The following HDAC10 variants were observed in gnomAD, a reference collection of about 807,000 sequenced individuals.
The protein encoded by HDAC10 is histone deacetylase 10, also known as polyamine deacetylase HDAC10.
In HDAC10, 90 loss-of-function variants were observed where a neutral mutation model predicts 82.3. That is an observed-to-expected ratio of 1.09 (90% CI 0.92 to 1.30). The LOEUF (loss-of-function observed/expected upper bound fraction) is 1.30, where lower values mean the gene tolerates loss of function less well. Ranked by LOEUF, HDAC10 falls within the 50% of genes most tolerant of loss-of-function variation. HDAC10 has a pLI of 0.00. For missense variants in HDAC10, 934 were observed against 876.3 expected (o/e 1.07, Z -0.83); for synonymous variants, 456 against 391.7 (o/e 1.16, Z -1.94).
At position 50,250,053 on chromosome 22, in the gene HDAC10, C is replaced by T. The variant is rs1185392556; in HGVS notation, c.389+10G>A. ...ACGGAGGAGCAGCCAGGGGAAGGGG[C>T]AGCTCTCACCTCACCAGGGCAAGCC... On this transcript the variant is annotated intron_variant, in intron 4 of 19. Transcript: ENST00000216271. The T allele has an allele frequency of 6.2e-7, 1 of 1,612,102 alleles. No individual in the cohort carries two copies. The highest frequency in any genetic ancestry group is 1.1e-5 in the South Asian group (1 of 91,072).
chr22:50,249,987 G>A lies in HDAC10; in HGVS notation c.390-23C>T, dbSNP rs1430033222. On this transcript the variant is annotated intron_variant, in intron 4 of 19. Transcript: ENST00000216271. This position sits in a 1 kb window ranked among gnomAD's most constrained non-coding sequence, Gnocchi z 4.4. ...GGCCTACGGCGTGAGAGTAGGATTT[G>A]GGTCACGTCAGGGTCGCCCTGGCCC... The A allele has an allele frequency of 1.9e-6, 3 of 1,610,340 alleles. No individual in the cohort carries two copies. Among genetic ancestry groups the A allele is most frequent in the Non-Finnish European group, 2.5e-6 (3 of 1,177,818 alleles).
intron 2 of HDAC10, 108 bp from the exon 3 acceptor site, chr22:50,250,631 C>G (rs560775243): frequency 2.7e-4 from 357 of 1,331,202 alleles, no homozygotes; most frequent in Non-Finnish European, 3.6e-4. Context: ...GTCACTTCCT[C>G]AAGCCTGTGA....
Position 50,248,315 on chromosome 22 carries a change from G to A in HDAC10, c.1014-23C>T, listed in dbSNP as rs568253917. Reference sequence around the variant, plus strand: ...GCACTGTGAGGGAGACACAACAGTCGTGACACCTGGTCTCACACCCCGGCC... The same window carrying A: ...GCACTGTGAGGGAGACACAACAGTCATGACACCTGGTCTCACACCCCGGCC... On this transcript the variant is annotated intron_variant, in intron 11 of 19. Transcript: ENST00000216271. The surrounding 1 kb of genome is among the most constrained non-coding windows in gnomAD (Gnocchi z 5.4). 9.5e-5 allele frequency: 153 copies of A among 1,612,050 alleles called. 3 individuals carry two copies. The South Asian group carries it at 1.5e-3, about 16-fold the overall frequency.
intron 13 of HDAC10, 44 bp from the exon 14 acceptor site, chr22:50,247,820 G>A (rs369954254): frequency 9.6e-5 from 154 of 1,611,918 alleles, no homozygotes; most frequent in African/African-American, 1.9e-4. Flanking sequence ...CGGAGTGACC[G>A]CAGGTCAGGC....
chr22:50,245,275 T>C lies in HDAC10; in HGVS notation c.*232A>G, dbSNP rs1239250062. 3.4e-5 allele frequency: 20 copies of C among 580,664 alleles called. No individual in the cohort carries two copies. The highest frequency in any genetic ancestry group is 6.2e-5 in the African/African-American group (3 of 48,598). 36.0% of individuals were successfully genotyped at this position (580,664 alleles called of 1,614,324 possible). On this transcript the variant is annotated 3_prime_UTR_variant, in exon 20 of 20. Transcript: ENST00000216271. ...GGAACGGGACCGAGCGTGGGTTGCA[T>C]GGGCCTCGATGGGACGGGCCGGGGC...
intron 3 of HDAC10, 28 bp downstream of exon 3, chr22:50,250,399 A>G: frequency 5.6e-6 from 9 of 1,602,546 alleles, no homozygotes; most frequent in Non-Finnish European, 7.7e-6. Context: ...GTGTGTCTGC[A>G]CAGGTGAGTG....
Position 50,249,834 on chromosome 22 carries a change from C to G in HDAC10, c.494+26G>C, listed in dbSNP as rs1306259216. On this transcript the variant is annotated intron_variant, in intron 5 of 19. Coordinates refer to ENST00000216271, the MANE Select transcript of HDAC10 (RefSeq NM_032019.6). The surrounding 1 kb of genome is among the most constrained non-coding windows in gnomAD (Gnocchi z 4.4). ...CCCTTGCTGTGTGGCCTGGGCCCAC[C>G]CCCCTGCAGCCAGCCTGGCACACAC... 6.2e-7 allele frequency: 1 copy of G among 1,607,046 alleles called. No homozygotes were observed.
At position 50,248,910 on chromosome 22, in the gene HDAC10, G is replaced by T; in HGVS notation, c.757-20C>A. ...GTCAAACTACAGGCCAGGCCGGAGT[G>T]GGGAGGGTCGACAGAGAGGGGCTGG... On this transcript the variant is annotated intron_variant, in intron 8 of 19. Transcript: ENST00000216271. The surrounding 1 kb of genome is among the most constrained non-coding windows in gnomAD (Gnocchi z 5.4). 6.2e-7 allele frequency: 1 copy of T among 1,607,292 alleles called. No individual in the cohort carries two copies. Among genetic ancestry groups the T allele is most frequent in the Non-Finnish European group, 8.5e-7 (1 of 1,177,458 alleles).
chr22:50,246,539 C>G lies in HDAC10; in HGVS notation c.1571+140G>C, dbSNP rs76980022. 9,811 of 1,070,144 alleles carry G rather than the reference C, an allele frequency of 9.2e-3. 62 individuals carry two copies. Among genetic ancestry groups the G allele is most frequent in the Non-Finnish European group, 0.012 (8,434 of 714,060 alleles). 66.3% of individuals were successfully genotyped at this position (1,070,144 alleles called of 1,614,324 possible). A position where few individuals can be genotyped will look rare whatever the true frequency, so the allele number is the denominator to read the frequency against. ...CCTGGCATTGCCTCCAGCAGCCCTT[C>G]TCCCACACCCCAGCTGAGGAAGGCT... is the stretch of plus-strand genomic sequence containing the variant. On this transcript the variant is annotated intron_variant, in intron 16 of 19. Coordinates refer to ENST00000216271, the MANE Select transcript of HDAC10 (RefSeq NM_032019.6).
rs774045147 is a variant in HDAC10, at chr22:50,250,168, C to T, written c.292-8G>A. The T allele has an allele frequency of 4.4e-6, 7 of 1,609,000 alleles. No individual in the cohort carries two copies. The highest frequency in any genetic ancestry group is 1.7e-5 in the Admixed American group (1 of 59,814). ...CGCGCAGTGAAAGGTACTCTGTGGGCGCAGGGGCGCAGATGAGCCCCCTGC... is the reference window on the plus strand; with the variant it reads ...CGCGCAGTGAAAGGTACTCTGTGGGTGCAGGGGCGCAGATGAGCCCCCTGC... On this transcript the variant is annotated splice_polypyrimidine_tract_variant and splice_region_variant and intron_variant, in intron 3 of 19. Transcript: ENST00000216271.
chr22:50,249,402 G>A lies in HDAC10; in HGVS notation c.616C>T (p.Leu206=). Residue 206 remains leucine, a synonymous_variant, in exon 7 of 20, where the codon CTG becomes TTG. Coordinates refer to ENST00000216271, the MANE Select transcript of HDAC10 (RefSeq NM_032019.6). The surrounding 1 kb of genome is among the most constrained non-coding windows in gnomAD (Gnocchi z 4.4). ...RYEHGRFWPF[L]RESDADAVGR... ...ACTGCGTCTGCATCTGACTCTCGCA[G>A]GAAAGGCCAGAAGCGCCCATGCTCA... 2 of 1,612,726 alleles carry A rather than the reference G, an allele frequency of 1.2e-6. No individual in the cohort carries two copies. The highest frequency in any genetic ancestry group is 1.7e-6 in the Non-Finnish European group (2 of 1,179,954).
rs527783582 is a variant in HDAC10, at chr22:50,245,530, A to G, written c.1987T>C (p.Cys663Arg). 3.1e-6 allele frequency: 3 copies of G among 968,700 alleles called. No homozygotes were observed. The East Asian group carries it at 7.2e-5, about 23-fold the overall frequency. 60.0% of individuals were successfully genotyped at this position (968,700 alleles called of 1,614,324 possible). ...QLEPQWKMLQ[C>R]HPHLVA ...TTTCAAGCCACCAGGTGAGGATGGC[A>G]CTACAGGAGGAGCCGAGAAGAGGCG... Residue 663 changes from cysteine (C) to arginine (R), a missense_variant and splice_region_variant, in exon 20 of 20, where the codon TGC becomes CGC. Physicochemically the swap from Cys to Arg is radical, Grantham distance 180 (BLOSUM62 -3). Transcript: ENST00000216271.
Position 50,251,156 on chromosome 22 carries a change from C to G in HDAC10, c.-124G>C, listed in dbSNP as rs2065082891. On this transcript the variant is annotated 5_prime_UTR_variant, in exon 1 of 20. Coordinates refer to ENST00000216271, the MANE Select transcript of HDAC10 (RefSeq NM_032019.6). ...ACCTGCCTGGGGCGCAGGCGGGCGG[C>G]GGGCACCGGCCTGGGCGGGAGCGCA... 7.9e-6 allele frequency: 8 copies of G among 1,014,094 alleles called. No individual in the cohort carries two copies. The East Asian group carries it at 1.6e-4, about 20-fold the overall frequency. The allele number at this position is 1,014,094 out of a possible 1,614,324, so 62.8% of individuals were successfully genotyped here.
In HDAC10 at chr22:50,249,663, TC is replaced by T. The variant is rs1189074767; in HGVS notation, c.534del (p.Ile179SerfsTer138). 1 of 1,612,872 alleles carries T rather than the reference TC, an allele frequency of 6.2e-7. No homozygotes were observed. Among genetic ancestry groups the T allele is most frequent in the Non-Finnish European group, 8.5e-7 (1 of 1,179,974 alleles). ...GGGTCATCCTCAAAGAGATACTGGA[TC>T]CCCTGGCCATGGTGCACATCCCAGT... ...VVDWDVHHGQGIQYLFEDDPS... is the reference protein window; with the variant it reads ...VVDWDVHHGQXIQYLFEDDPS... On this transcript the variant is annotated frameshift_variant, in exon 6 of 20. Coordinates refer to ENST00000216271, the MANE Select transcript of HDAC10 (RefSeq NM_032019.6). LOFTEE classifies it high-confidence loss of function. This position sits in a 1 kb window ranked among gnomAD's most constrained non-coding sequence, Gnocchi z 4.4.
At position 50,245,761 on chromosome 22, in the gene HDAC10, C is replaced by T. The variant is rs1392869256; in HGVS notation, c.1900G>A (p.Gly634Ser). 5 of 1,609,440 alleles carry T rather than the reference C, an allele frequency of 3.1e-6. No homozygotes were observed. Among genetic ancestry groups the T allele is most frequent in the East Asian group, 2.2e-5 (1 of 44,576 alleles). ...VLNGEAPPSL[G>S]PSSVASPEDV... ...TCTGGGGAGGCCACAGAGGAAGGGC[C>T]TAGGCTAGGAGGTGCCTCTCCATTC... Residue 634 changes from glycine to serine, a missense_variant, in exon 19 of 20, where the codon GGC (glycine) becomes AGC (serine). Transcript: ENST00000216271.
chr22:50,249,962 G>C lies in HDAC10; in HGVS notation c.392C>G (p.Pro131Arg). The change falls in exon 5 of 20, where the codon CCT (proline) becomes CGT (arginine). Residue 131 changes from proline (P) to arginine (R), a missense_variant and splice_region_variant. Coordinates refer to ENST00000216271, the MANE Select transcript of HDAC10 (RefSeq NM_032019.6). The surrounding 1 kb of genome is among the most constrained non-coding windows in gnomAD (Gnocchi z 4.4). ...AVQNGLALVR[P>R]PGHHGQRAAA... is the part of the protein sequence containing the mutation. ...CGCCCTCTGGCCATGGTGCCCGGGA[G>C]GCCTACGGCGTGAGAGTAGGATTTG... 6.2e-7 allele frequency: 1 copy of C among 1,612,602 alleles called. No individual in the cohort carries two copies. Among genetic ancestry groups the C allele is most frequent in the Non-Finnish European group, 8.5e-7 (1 of 1,179,738 alleles).
At position 50,248,231 on chromosome 22, in the gene HDAC10, G is replaced by C; in HGVS notation, c.1075C>G (p.Gln359Glu). 6.2e-7 allele frequency: 1 copy of C among 1,612,094 alleles called. No homozygotes were observed. Among genetic ancestry groups the C allele is most frequent in the Non-Finnish European group, 8.5e-7 (1 of 1,179,804 alleles). ...AGCACCCGGCCACACTGACCTTGCTGCTGGAGGCTCTTCCAGTGCGGGGCC... is the reference window on the plus strand; with the variant it reads ...AGCACCCGGCCACACTGACCTTGCTCCTGGAGGCTCTTCCAGTGCGGGGCC... ...AQAPHWKSLQ[Q>E]QDVTAVPMSP... Residue 359 changes from glutamine (Q) to glutamate (E), a missense_variant, in exon 12 of 20, where the codon CAG (glutamine) becomes GAG (glutamate). Transcript: ENST00000216271. The surrounding 1 kb of genome is among the most constrained non-coding windows in gnomAD (Gnocchi z 5.4).
chr22:50,249,397 T>C lies in HDAC10; in HGVS notation c.621A>G (p.Arg207=). 1 of 1,612,676 alleles carries C rather than the reference T, an allele frequency of 6.2e-7. No homozygotes were observed. The stretch of plus-strand genomic sequence containing the variant: ...GCCCCACTGCGTCTGCATCTGACTC[T>C]CGCAGGAAAGGCCAGAAGCGCCCAT... ...YEHGRFWPFL[R]ESDADAVGRG... Residue 207 remains arginine (R), a synonymous_variant, in exon 7 of 20, where the codon CGA becomes CGG. Transcript: ENST00000216271. This position sits in a 1 kb window ranked among gnomAD's most constrained non-coding sequence, Gnocchi z 4.4.
Position 50,246,973 on chromosome 22 carries a change from G to A in HDAC10, c.1423-7C>T. The A allele has an allele frequency of 1.3e-6, 2 of 1,582,230 alleles. No individual in the cohort carries two copies. The highest frequency in any genetic ancestry group is 4.5e-5 in the East Asian group (2 of 44,392). ...CTGCTATACCACTGTTCACCTGTGG[G>A]ATGAATAAACAGTGGAGAATGAGGC... is the stretch of plus-strand genomic sequence containing the variant. On this transcript the variant is annotated splice_polypyrimidine_tract_variant and splice_region_variant and intron_variant, in intron 14 of 19. Coordinates refer to ENST00000216271, the MANE Select transcript of HDAC10 (RefSeq NM_032019.6).
Sources: allele counts gnomAD v4.1 joint callset, GRCh38; gene constraint gnomAD v4.1.1; non-coding constraint Gnocchi (gnomAD v3.1); transcripts MANE v1.5; gene names NCBI Gene and HGNC (gene_info 2026-07-23, HGNC 2026-07-21).